Variants in UBR2 observed in about 807,000 individuals in gnomAD.
The protein encoded by UBR2 is ubiquitin protein ligase E3 component n-recognin 2.
A neutral mutation model predicts 247.9 loss-of-function variants in UBR2; 92 were observed. The ratio of observed to expected loss-of-function variants is 0.37; its 90% CI spans 0.31 to 0.44. The LOEUF (loss-of-function observed/expected upper bound fraction) is 0.44. Ranked by LOEUF, UBR2 falls within the 20% of genes least tolerant of loss-of-function variation. UBR2 has a pLI of 1.00. For missense variants in UBR2, 1,613 were observed against 2,112.6 expected (o/e 0.76, Z 4.64); for synonymous variants, 672 against 693.5 (o/e 0.97, Z 0.49).
intron 1 of UBR2, among the ~76,000 whole-genome samples, chr6:42,566,223 T>C (rs960555420): frequency 1.3e-5 from 2 of 152,098 alleles, no homozygotes; most frequent in Admixed American, 6.6e-5. Flanking sequence ...GGAAACTGGT[T>C]ATAAAAGTAG....
intron 16 of UBR2, among the ~76,000 whole-genome samples, chr6:42,640,540 C>T (rs1258121497): frequency 6.6e-6 from 1 of 151,838 alleles, no homozygotes; most frequent in East Asian, 1.9e-4. Context: ...GCAGGGGAGC[C>T]TAGCAGACTG....
chr6:42,650,236 T>A, intron 22 of UBR2, 48 bp from the exon 23 acceptor site: 4 of 1,449,682 alleles, frequency 2.8e-6, no homozygotes, highest in Non-Finnish European at 2.9e-6. Context: ...CTCTCATAAA[T>A]TAGTGTATGG....
At position 42,679,427 on chromosome 6, in the gene UBR2, T is replaced by C. The variant is rs571499188; in HGVS notation, c.4610-297T>C. 2.6e-5 allele frequency among the ~76,000 whole-genome samples: 4 copies of C among 152,404 alleles called. No homozygotes were observed. The South Asian group carries it at 8.3e-4, about 32-fold the overall frequency. On this transcript the variant is annotated intron_variant, in intron 41 of 46. Transcript: ENST00000372901. ...GCACCCATACATTTTTATCATTTAA[T>C]GTTCACAATAACCCTGTGCAGTAGA...
chr6:42,644,387 CCTT>C, intron 19 of UBR2, 51 bp downstream of exon 19: 1 of 1,603,952 alleles, frequency 6.2e-7, no homozygotes, highest in Non-Finnish European at 8.5e-7. Context: ...AAGCATCTTT[CCTT>C]CTTTTTGGAT....
rs1554233994 is a variant in UBR2 at position 42,564,033 on chromosome 6, T to G, written c.-287T>G. On this transcript the variant is annotated 5_prime_UTR_variant, in exon 1 of 47. Transcript: ENST00000372901. ...CCTTTCCTGGTGCAGGACGCGGTAGTGGCCAGCGAGAGTGTCAGGCCTGGG... is the reference window on the plus strand; with the variant it reads ...CCTTTCCTGGTGCAGGACGCGGTAGGGGCCAGCGAGAGTGTCAGGCCTGGG... The G allele has an allele frequency of 6.3e-6, 3 of 472,768 alleles. No individual in the cohort carries two copies. The highest frequency in any genetic ancestry group is 1.1e-5 in the Non-Finnish European group (3 of 268,042). 29.3% of individuals were successfully genotyped at this position (472,768 alleles called of 1,614,324 possible).
chr6:42,652,069 C>A lies in UBR2; in HGVS notation c.2612C>A (p.Thr871Lys). The A allele has an allele frequency of 6.3e-7, 1 of 1,582,130 alleles. No individual in the cohort carries two copies. Reference sequence around the variant, plus strand: ...TTGAAAAGACAAAATAGAGAAGATACAGGTATTTTTAATCTTTCTGAAAAT... The same window carrying A: ...TTGAAAAGACAAAATAGAGAAGATAAAGGTATTTTTAATCTTTCTGAAAAT... Reference protein sequence around the residue: ...RKLKRQNREDTALPPPVLPPF... With the variant: ...RKLKRQNREDKALPPPVLPPF... The change falls in exon 24 of 47, where the codon ACA (threonine) becomes AAA (lysine). Residue 871 changes from threonine to lysine, a missense_variant and splice_region_variant. Thr to Lys is a moderately conservative substitution (Grantham distance 78). This residue lies in a region of UBR2 where 1,524 missense variants were observed against 1,967.3 expected (regional missense o/e 0.77). Transcript: ENST00000372901.
chr6:42,660,542 T>C (rs1719834886), intron 30 of UBR2, among the ~76,000 whole-genome samples: 1 of 152,164 alleles, frequency 6.6e-6, no homozygotes, highest in Non-Finnish European at 1.5e-5. Flanking sequence ...GAGCACTGCT[T>C]TAACCAGTGC....
chr6:42,649,938 C>T (rs969570051), intron 22 of UBR2, among the ~76,000 whole-genome samples: 2 of 152,174 alleles, frequency 1.3e-5, no homozygotes, highest in African/African-American at 2.4e-5. Context: ...ACACGGAAGT[C>T]TTTACATGTG....
chr6:42,647,299 C>T (rs982953007), intron 21 of UBR2, among the ~76,000 whole-genome samples: 3 of 151,444 alleles, frequency 2.0e-5, no homozygotes, highest in African/African-American at 4.9e-5. Flanking sequence ...TTAAGATTGT[C>T]GGCCGGGCAC....
intron 2 of UBR2, among the ~76,000 whole-genome samples, chr6:42,581,519 G>A (rs927431759): frequency 7.2e-5 from 11 of 152,218 alleles, no homozygotes; most frequent in Middle Eastern, 3.4e-3. Context: ...AAGAGACAAG[G>A]TCTCACTTTG....
chr6:42,686,154 A>G (rs549151200), intron 44 of UBR2, among the ~76,000 whole-genome samples: 1 of 152,018 alleles, frequency 6.6e-6, no homozygotes, highest in East Asian at 1.9e-4. Context: ...TCATAGGACA[A>G]TAGTGGAGGG....
chr6:42,642,367 C>G, intron 17 of UBR2, 49 bp from the exon 18 acceptor site: 1 of 1,325,308 alleles, frequency 7.5e-7, no homozygotes. Flanking sequence ...TTAGAGAGAG[C>G]CTGAGCCAAT....
Position 42,645,450 on chromosome 6 carries a change from T to C in UBR2, c.2285-16T>C. On this transcript the variant is annotated splice_polypyrimidine_tract_variant and intron_variant, in intron 20 of 46. Coordinates refer to ENST00000372901, the MANE Select transcript of UBR2 (RefSeq NM_001363705.2). Reference sequence around the variant, plus strand: ...TATGTTAAATGTATGTATATGTACTTTTCCATTTTTGACAGGAGAGAGATT... The same window carrying C: ...TATGTTAAATGTATGTATATGTACTCTTCCATTTTTGACAGGAGAGAGATT... The C allele has an allele frequency of 6.2e-7, 1 of 1,610,326 alleles. No homozygotes were observed. The highest frequency in any genetic ancestry group is 1.1e-5 in the South Asian group (1 of 90,884).
chr6:42,688,059 A>T, intron 44 of UBR2, 157 bp from the exon 45 acceptor site: 1 of 752,334 alleles, frequency 1.3e-6, no homozygotes, highest in Non-Finnish European at 2.2e-6. Context: ...GATGTTTCCT[A>T]TTCCAGATTC....
At chr6:42,664,877 G>A (rs1277746517) in intron 32 of UBR2, among the ~76,000 whole-genome samples, 2 of 152,192 alleles carry the variant, frequency 1.3e-5, no homozygotes, top group African/African-American at 4.8e-5. Context: ...ACAGAGCCAA[G>A]TTTGAATGCT....
chr6:42,687,695 CA>C (rs1799524605), intron 44 of UBR2, among the ~76,000 whole-genome samples: 1 of 152,068 alleles, frequency 6.6e-6, no homozygotes. Context: ...TGCACACCAC[CA>C]TGCCTGGCTA....
chr6:42,592,909 T>C (rs1792757515), intron 3 of UBR2, among the ~76,000 whole-genome samples: 1 of 152,184 alleles, frequency 6.6e-6, no homozygotes, highest in Non-Finnish European at 1.5e-5. Flanking sequence ...GCGCAGTGGC[T>C]AATGCCTGTA....
At chr6:42,655,884 T>TA (rs1318143442) in intron 26 of UBR2, among the ~76,000 whole-genome samples, 161 bp downstream of exon 26, 1 of 152,168 alleles carries the variant, frequency 6.6e-6, no homozygotes, top group Non-Finnish European at 1.5e-5. Flanking sequence ...GGTACTGTAT[T>TA]AAACCCTGAT....
chr6:42,610,213 TA>T (rs544000115), intron 7 of UBR2, among the ~76,000 whole-genome samples: 162 of 152,198 alleles, frequency 1.1e-3, no homozygotes, highest in African/African-American at 3.8e-3. Context: ...ATGGAGAAAT[TA>T]AAACCTTTGT....
Sources: allele counts gnomAD v4.1 joint callset (sites outside exome capture counted in the v4.1 genomes callset), GRCh38; gene constraint gnomAD v4.1.1; regional missense constraint gnomAD v4.1.1; transcripts MANE v1.5; gene names NCBI Gene and HGNC (gene_info 2026-07-23, HGNC 2026-07-21).